IKZF4: variants seen among roughly 807,000 people sequenced by gnomAD.
The protein encoded by IKZF4 is IKAROS family zinc finger 4.
A neutral mutation model predicts 47.7 loss-of-function variants in IKZF4; 11 were observed. The ratio of observed to expected loss-of-function variants is 0.23; its 90% confidence interval spans 0.15 to 0.38. IKZF4 has a LOEUF of 0.38. IKZF4 is among the 10% of genes least tolerant of loss of function. The probability of loss-of-function intolerance (pLI) is 1.00; values close to 1 mark genes in which losing one functional copy is unlikely to be tolerated. For missense variants in IKZF4, 557 were observed against 784.9 expected (o/e 0.71, Z 3.47); for synonymous variants, 298 against 299.4 (o/e 1.00, Z 0.05).
intron 1 of IKZF4, 75 bp from the exon 2 acceptor site, chr12:56,023,596 G>T: frequency 6.6e-7 from 1 of 1,519,144 alleles, no homozygotes; most frequent in Non-Finnish European, 8.9e-7. Flanking sequence ...TGGGGAAAAT[G>T]GGACTTTAGG....
Position 56,021,533 on chromosome 12 carries a change from GGCGGCCGCGTTC to G in IKZF4, c.43_54del (p.Gly15_Arg18del). 6.2e-7 allele frequency: 1 copy of G among 1,609,354 alleles called. No individual in the cohort carries two copies. The highest frequency in any genetic ancestry group is 8.5e-7 in the Non-Finnish European group (1 of 1,178,304). ...CGCACTCCCTCGCCGTTTCCAAGGC[GGCGGCCGCGTTC>G]GCACCCCAGGGTCTCACCGGCAAGG... On this transcript the variant is annotated inframe_deletion, in exon 1 of 8. Transcript: ENST00000547167.
upstream of IKZF4, chr12:56,018,280 C>G (rs1458018593): frequency 6.3e-6 from 5 of 790,410 alleles, no homozygotes; most frequent in Non-Finnish European, 9.3e-6. Flanking sequence ...TCTAAATGTC[C>G]TAGTCACACA....
At position 56,023,542 on chromosome 12, in the gene IKZF4, C is replaced by A. The variant is rs977365750; in HGVS notation, c.88-129C>A. On this transcript the variant is annotated intron_variant, in intron 1 of 7. Coordinates refer to ENST00000547167, the MANE Select transcript of IKZF4 (RefSeq NM_022465.4). ...TCAGATTCAAGCCATAAGGCTTTTT[C>A]TATAGATAGTGAACATTTTTCCTCA... 16 of 1,135,172 alleles carry A rather than the reference C, an allele frequency of 1.4e-5. No homozygotes were observed. The African/African-American group carries it at 2.2e-4, about 16-fold the overall frequency. The allele number at this position is 1,135,172 out of a possible 1,614,324, so 70.3% of individuals were successfully genotyped here. A position where few individuals can be genotyped will look rare whatever the true frequency, so the allele number is the denominator to read the frequency against.
chr12:56,023,913 T>G, intron 2 of IKZF4, 149 bp downstream of exon 2: 1 of 1,474,354 alleles, frequency 6.8e-7, no homozygotes, highest in South Asian at 1.3e-5. Context: ...CATCCATGCA[T>G]GTTCATGTTA....
In IKZF4 at chr12:56,021,559, T is replaced by C; in HGVS notation, c.66T>C (p.Ser22=). ...QGGGRVRTPG[S]HRQGKDNLER... is the part of the protein sequence containing the mutation. ...GCGGCCGCGTTCGCACCCCAGGGTC[T>C]CACCGGCAAGGGAAGGATAATGTAA... The change falls in exon 1 of 8, where the codon TCT becomes TCC. Residue 22 remains serine (S), a synonymous_variant. Transcript: ENST00000547167. 2.5e-6 allele frequency: 4 copies of C among 1,607,644 alleles called. No individual in the cohort carries two copies. The highest frequency in any genetic ancestry group is 3.4e-6 in the Non-Finnish European group (4 of 1,177,562).
chr12:56,033,451 T>A, intron 7 of IKZF4, 130 bp downstream of exon 7: 1 of 1,156,756 alleles, frequency 8.6e-7, no homozygotes, highest in Non-Finnish European at 1.3e-6. Flanking sequence ...CTCACGTCTG[T>A]AATCCCAGCA....
At chr12:56,027,609 G>C (rs1222173260) in intron 4 of IKZF4, among the ~76,000 whole-genome samples, 171 bp from the exon 5 acceptor site, 4 of 152,158 alleles carry the variant, frequency 2.6e-5, no homozygotes, top group Admixed American at 6.5e-5. Flanking sequence ...AGACCCCAGG[G>C]ATCCCCAAGG....
chr12:56,023,801 C>G, intron 2 of IKZF4, 37 bp downstream of exon 2: 1 of 1,604,148 alleles, frequency 6.2e-7, no homozygotes, highest in East Asian at 2.2e-5. Context: ...GGGTAAAGTA[C>G]TAATAGGTGG....
Position 56,034,614 on chromosome 12 carries a change from T to C in IKZF4, c.1041T>C (p.Asp347=), listed in dbSNP as rs1316137245. 7 of 1,613,758 alleles carry C rather than the reference T, an allele frequency of 4.3e-6. No homozygotes were observed. The highest frequency in any genetic ancestry group is 5.9e-6 in the Non-Finnish European group (7 of 1,179,804). The change falls in exon 8 of 8, where the codon GAT becomes GAC. Residue 347 remains aspartate, a synonymous_variant. Transcript: ENST00000547167. ...TCAGCCTCTCAGACCTCCCCTATGA[T>C]GTGAACTCGGGTGGCTATGAAAAGG... ...MRFSLSDLPY[D]VNSGGYEKDV...
chr12:56,038,158 C>G lies in IKZF4; in HGVS notation c.*2827C>G, dbSNP rs1895776727. 1 of 152,202 alleles carries G rather than the reference C, an allele frequency of 6.6e-6. No homozygotes were observed. The highest frequency in any genetic ancestry group is 1.5e-5 in the Non-Finnish European group (1 of 67,986). The allele number at this position is 152,202 out of a possible 1,614,324, so 9.4% of individuals were successfully genotyped here. A position where few individuals can be genotyped will look rare whatever the true frequency, so the allele number is the denominator to read the frequency against. On this transcript the variant is annotated 3_prime_UTR_variant, in exon 8 of 8. Transcript: ENST00000547167. ...GTGCAATACCACCTCTCTTCTCCCT[C>G]TCTCCTAGGGTTTCCTTTGTAGCCT... is the stretch of plus-strand genomic sequence containing the variant.
Position 56,021,688 on chromosome 12 carries a change from CTGTGTGTGTG to C in IKZF4, c.87+142_87+151del, listed in dbSNP as rs67296911. 8.5e-3 allele frequency: 5,627 copies of C among 658,752 alleles called. 19 individuals are homozygous for C. The highest frequency in any genetic ancestry group is 0.044 in the East Asian group (1,393 of 31,474). 40.8% of individuals were successfully genotyped at this position (658,752 alleles called of 1,614,324 possible). ...CCTGAGGAGATGGAGAGGATGGGGG[CTGTGTGTGTG>C]TGTGTGTGTGTGTGTGTGTGTGTGT... On this transcript the variant is annotated intron_variant, in intron 1 of 7. Transcript: ENST00000547167.
chr12:56,007,535 G>C (rs894519638), upstream of IKZF4: 1 of 156,580 alleles, frequency 6.4e-6, no homozygotes, highest in African/African-American at 2.4e-5. Flanking sequence ...GATGGAGATG[G>C]AGCCGCCGCC....
chr12:56,024,975 A>T lies in IKZF4; in HGVS notation c.182-79A>T, dbSNP rs965251199. 1.0e-5 allele frequency: 16 copies of T among 1,547,832 alleles called. No individual in the cohort carries two copies. The highest frequency in any genetic ancestry group is 2.4e-5 in the East Asian group (1 of 40,910). On this transcript the variant is annotated intron_variant, in intron 2 of 7. Transcript: ENST00000547167. ...GGAAATGTTTGTGAAATTTAACTGA[A>T]TTTTTTTAAAAGATTAGGCAATGGA...
chr12:56,024,958 T>C, intron 2 of IKZF4, 96 bp from the exon 3 acceptor site: 6 of 1,541,802 alleles, frequency 3.9e-6, no homozygotes, highest in Non-Finnish European at 5.2e-6. Context: ...AAGGAAATGT[T>C]TGTGAAATTT....
intron 1 of IKZF4, among the ~76,000 whole-genome samples, chr12:56,022,640 T>C (rs1893216519): frequency 6.6e-6 from 1 of 152,110 alleles, no homozygotes; most frequent in African/African-American, 2.4e-5. Context: ...TTTAGCCCCA[T>C]GAAAGTAGAC....
At chr12:56,018,820 G>A (rs1471778509), upstream of IKZF4, among the ~76,000 whole-genome samples, 1 of 151,948 alleles carries the variant, frequency 6.6e-6, no homozygotes, top group Non-Finnish European at 1.5e-5. Context: ...TGGGCATGGT[G>A]GCTCACGCCT....
rs540854418 is a variant in IKZF4 at position 56,013,235 on chromosome 12, A to C, written c.-214+1741A>C. Among the ~76,000 whole-genome samples the C allele has an allele frequency of 1.1e-4, 17 of 151,804 alleles. No individual in the cohort carries two copies. The South Asian group carries it at 3.5e-3, about 32-fold the overall frequency. On this transcript the variant is annotated intron_variant, in intron 2 of 11. Transcript: ENST00000262032. Reference sequence around the variant, plus strand: ...TTTAGTGACAGAGTCTCACTCTGTCACCCAGGCTGGAGTGCAATGGCGTGA... The same window carrying C: ...TTTAGTGACAGAGTCTCACTCTGTCCCCCAGGCTGGAGTGCAATGGCGTGA...
rs1245664235 is a variant in IKZF4 at position 56,037,929 on chromosome 12, A to G, written c.*2598A>G. 1 of 152,052 alleles carries G rather than the reference A, an allele frequency of 6.6e-6. No individual in the cohort carries two copies. Among genetic ancestry groups the G allele is most frequent in the East Asian group, 1.9e-4 (1 of 5,198 alleles). 9.4% of individuals were successfully genotyped at this position (152,052 alleles called of 1,614,324 possible). Reference sequence around the variant, plus strand: ...GTTTCCTTTTATATTGCTATTCAAAATCAATACCACCAACAAAATATTTCT... The same window carrying G: ...GTTTCCTTTTATATTGCTATTCAAAGTCAATACCACCAACAAAATATTTCT... On this transcript the variant is annotated 3_prime_UTR_variant, in exon 8 of 8. Transcript: ENST00000547167.
chr12:56,032,740 T>C, intron 6 of IKZF4, 30 bp downstream of exon 6: 1 of 1,612,722 alleles, frequency 6.2e-7, no homozygotes, highest in Non-Finnish European at 8.5e-7. Flanking sequence ...ACTGGGGAGT[T>C]AAAAGGGGAT....
Sources: gnomAD v4.1 joint callset for allele counts (sites outside exome capture counted in the v4.1 genomes callset) on GRCh38, gnomAD v4.1.1 for gene constraint, MANE v1.5 for transcripts, NCBI Gene and HGNC (gene_info 2026-07-23, HGNC 2026-07-21) for gene names.